Variants in CPS1 observed in about 807,000 individuals in gnomAD.
CPS1 encodes the protein carbamoyl-phosphate synthase [ammonia], mitochondrial.
A neutral mutation model predicts 174.6 loss-of-function variants in CPS1; 109 were observed. The ratio of observed to expected loss-of-function variants is 0.62; its 90% CI spans 0.53 to 0.73. The LOEUF is 0.73. Ranked by LOEUF, CPS1 falls within the 30% of genes least tolerant of loss-of-function variation. The probability of loss-of-function intolerance (pLI) is 0.00; values close to 1 mark genes in which losing one functional copy is unlikely to be tolerated. For synonymous variants in CPS1, 637 were observed against 632.0 expected, an observed-to-expected ratio of 1.01 and a Z score of -0.12; for missense variants, 1,689 against 1,821.9, an observed-to-expected ratio of 0.93 and a Z score of 1.33.
At chr2:210,505,123 G>A (rs778673481) in intron 1 of CPS1, among the ~76,000 whole-genome samples, 14 of 151,978 alleles carry the variant, frequency 9.2e-5, no homozygotes, top group Non-Finnish European at 1.3e-4. Flanking sequence ...GAAGAAAGCA[G>A]ACAGCTTTCT....
intron 13 of CPS1, among the ~76,000 whole-genome samples, chr2:210,598,551 G>A (rs1242332522): frequency 6.6e-6 from 1 of 151,648 alleles, no homozygotes; most frequent in Non-Finnish European, 1.5e-5. Flanking sequence ...AAAAAAAAAG[G>A]GGATACAATC....
At chr2:210,635,512 T>C (rs1700016790) in intron 21 of CPS1, among the ~76,000 whole-genome samples, 2 of 152,224 alleles carry the variant, frequency 1.3e-5, no homozygotes, top group Non-Finnish European at 2.9e-5. Flanking sequence ...CATGTGTGGC[T>C]GTTGAGCACT....
intron 21 of CPS1, among the ~76,000 whole-genome samples, chr2:210,632,079 G>A (rs1699887845): frequency 6.6e-6 from 1 of 152,000 alleles, no homozygotes; most frequent in South Asian, 2.1e-4. Flanking sequence ...ATTTCTTTTA[G>A]TAATTATTCT....
At chr2:210,517,046 C>G (rs1027600571) in intron 1 of CPS1, among the ~76,000 whole-genome samples, 12 of 151,742 alleles carry the variant, frequency 7.9e-5, no homozygotes, top group African/African-American at 2.7e-4. Context: ...TTGGCTTAGT[C>G]TTTTCTATAT....
At chr2:210,491,794 A>G (rs1339402312) in intron 1 of CPS1, among the ~76,000 whole-genome samples, 1 of 152,184 alleles carries the variant, frequency 6.6e-6, no homozygotes, top group Non-Finnish European at 1.5e-5. Flanking sequence ...ATCTTCTGCT[A>G]GGTTAGGGGA....
intron 30 of CPS1, among the ~76,000 whole-genome samples, chr2:210,657,108 G>C (rs1033135848): frequency 6.6e-6 from 1 of 152,074 alleles, no homozygotes; most frequent in African/African-American, 2.4e-5. Context: ...AGTTAGGAGT[G>C]GTGAAACAGG....
intron 1 of CPS1, among the ~76,000 whole-genome samples, chr2:210,543,011 C>T (rs1696472780): frequency 6.6e-6 from 1 of 152,068 alleles, no homozygotes; most frequent in African/African-American, 2.4e-5. Flanking sequence ...CCTCATGCCC[C>T]TATAATGGAT....
chr2:210,665,123 ACT>A (rs1302250999), intron 33 of CPS1, among the ~76,000 whole-genome samples: 2 of 152,168 alleles, frequency 1.3e-5, no homozygotes, highest in African/African-American at 4.8e-5. Flanking sequence ...AGAATTTGAG[ACT>A]CATTAACTTA....
At chr2:210,604,880 G>T in intron 16 of CPS1, 1 of 541,574 alleles carries the variant, frequency 1.8e-6, no homozygotes, top group Non-Finnish European at 3.3e-6. Flanking sequence ...CACTTTGAAT[G>T]GCAAGCCTCA....
Position 210,606,731 on chromosome 2 carries a change from G to A in CPS1, c.1982G>A (p.Gly661Asp), listed in dbSNP as rs2105849848. 1.9e-6 allele frequency: 3 copies of A among 1,612,286 alleles called. No homozygotes were observed. Among genetic ancestry groups the A allele is most frequent in the Non-Finnish European group, 2.5e-6 (3 of 1,178,858 alleles). Residue 661 changes from glycine to aspartate, a missense_variant and splice_region_variant, in exon 18 of 38, where the codon GGT (glycine) becomes GAT (aspartate). Gly to Asp is a moderately conservative substitution (Grantham distance 94). Transcript: ENST00000233072. The part of the protein sequence containing the change: ...ENVDAMGVHT[G>D]DSVVVAPAQT... The stretch of plus-strand genomic sequence containing the variant: ...TAATGAGTGCTTCTTGGATATATAG[G>A]TGACTCAGTTGTTGTGGCTCCTGCC...
chr2:210,590,734 G>C, intron 8 of CPS1, 66 bp from the exon 9 acceptor site: 1 of 1,219,510 alleles, frequency 8.2e-7, no homozygotes, highest in East Asian at 2.4e-5. Context: ...CCTCATTTTT[G>C]TTCATTCAGA....
chr2:210,482,529 C>T (rs188980036), intron 1 of CPS1, among the ~76,000 whole-genome samples: 21 of 152,112 alleles, frequency 1.4e-4, no homozygotes, highest in Admixed American at 1.0e-3. Flanking sequence ...ATCCGCCTGG[C>T]CAAGTGATCC....
At chr2:210,603,561 A>G (rs944113269) in intron 16 of CPS1, among the ~76,000 whole-genome samples, 1 of 151,890 alleles carries the variant, frequency 6.6e-6, no homozygotes. Flanking sequence ...AATATTTTCA[A>G]TATTAACAAC....
Position 210,512,337 on chromosome 2 carries a change from C to T in CPS1, c.3+34571C>T, listed in dbSNP as rs184090864. ...GTGGGCATAGTACCCAACAATTTTC[C>T]AATCCTTGTCCCCATGCCTCCTTCC... On this transcript the variant is annotated intron_variant, in intron 1 of 38. Transcript: ENST00000430249. Among the ~76,000 whole-genome samples the T allele has an allele frequency of 1.3e-3, 200 of 151,528 alleles. 1 individual carries two copies. The highest frequency in any genetic ancestry group is 2.1e-3 in the Non-Finnish European group (140 of 67,620).
intron 34 of CPS1, chr2:210,672,193 C>G (rs1701329573): frequency 6.6e-6 from 1 of 152,178 alleles, no homozygotes; most frequent in Non-Finnish European, 1.5e-5. Flanking sequence ...TTGAGAACCA[C>G]TCTACTTGAG....
At chr2:210,486,938 T>G (rs1245102247) in intron 1 of CPS1, among the ~76,000 whole-genome samples, 1 of 151,920 alleles carries the variant, frequency 6.6e-6, no homozygotes, top group Non-Finnish European at 1.5e-5. Context: ...ATTTCTACCT[T>G]GAGTTTGTTT....
At position 210,590,885 on chromosome 2, in the gene CPS1, A is replaced by C. The variant is rs1194570938; in HGVS notation, c.926A>C (p.Tyr309Ser). Residue 309 changes from tyrosine (Y) to serine (S), a missense_variant, in exon 9 of 38, where the codon TAC becomes TCC. By Grantham distance (144) the Tyr-to-Ser change is moderately radical. Transcript: ENST00000233072. ...ITGLAAGAKT[Y>S]KMSMANRGQN... Reference sequence around the variant, plus strand: ...GGATTGGCTGCTGGTGCCAAAACCTACAAGATGTCCATGGCCAACAGGTGA... The same window carrying C: ...GGATTGGCTGCTGGTGCCAAAACCTCCAAGATGTCCATGGCCAACAGGTGA... 1 of 1,611,288 alleles carries C rather than the reference A, an allele frequency of 6.2e-7. No individual in the cohort carries two copies. The highest frequency in any genetic ancestry group is 8.5e-7 in the Non-Finnish European group (1 of 1,178,250).
rs1251020612 is a variant in CPS1 at position 210,512,833 on chromosome 2, G to GAT, written c.3+35071_3+35072dup. Among the ~76,000 whole-genome samples, 39 of 102,150 alleles carry GAT rather than the reference G, an allele frequency of 3.8e-4. 3 individuals are homozygous for GAT. Among genetic ancestry groups the GAT allele is most frequent in the African/African-American group, 1.3e-3 (32 of 25,204 alleles). 67.0% of individuals were successfully genotyped at this position (102,150 alleles called of 152,430 possible). On this transcript the variant is annotated intron_variant, in intron 1 of 38. Transcript: ENST00000430249. ...GGAGAGAGAGAGATATATATATGGA[G>GAT]ATATACATATATGGAGATATATATA...
intron 31 of CPS1, 127 bp downstream of exon 31, chr2:210,658,815 G>A: frequency 1.4e-6 from 1 of 728,804 alleles, no homozygotes; most frequent in East Asian, 2.7e-5. Flanking sequence ...ATCTGTTTGT[G>A]TCTGAGTGTG....
Sources: allele counts gnomAD v4.1 joint callset (sites outside exome capture counted in the v4.1 genomes callset), GRCh38; gene constraint gnomAD v4.1.1; transcripts MANE v1.5; gene names NCBI Gene and HGNC (gene_info 2026-07-23, HGNC 2026-07-21).